NAA11: variants seen among roughly 807,000 people sequenced by gnomAD.
The protein encoded by NAA11 is N-alpha-acetyltransferase 11, NatA catalytic subunit, also known as N-alpha-acetyltransferase 11.
In NAA11, 15 loss-of-function variants were observed where a neutral mutation model predicts 16.1. That is an observed-to-expected ratio of 0.93 (90% CI 0.62 to 1.44). The LOEUF is 1.44. Ranked by LOEUF, NAA11 falls within the 40% of genes most tolerant of loss-of-function variation. The pLI is 0.00. For synonymous variants in NAA11, 122 were observed against 112.4 expected (o/e 1.09, Z -0.54); for missense variants, 298 against 291.3 (o/e 1.02, Z -0.17).
chr4:79,285,918 C>T (rs1026352380), intron 2 of NAA11, among the ~76,000 whole-genome samples: 9 of 151,998 alleles, frequency 5.9e-5, no homozygotes, highest in Middle Eastern at 3.2e-3. Flanking sequence ...TTTCTCCCAA[C>T]AGTGTATTAT....
At chr4:79,304,052 T>A (rs1454797375) in intron 1 of NAA11, among the ~76,000 whole-genome samples, 1 of 152,204 alleles carries the variant, frequency 6.6e-6, no homozygotes, top group Admixed American at 6.5e-5. Flanking sequence ...TCGACCATCA[T>A]GTGTTTTTCT....
At chr4:79,183,898 A>T in the NAA11 span, among the ~76,000 whole-genome samples, 1 of 152,220 alleles carries the variant, frequency 6.6e-6, no homozygotes, top group African/African-American at 2.4e-5. Context: ...ACCAAAAATA[A>T]GTTTAAATGA....
intron 1 of NAA11, among the ~76,000 whole-genome samples, chr4:79,307,479 TG>T (rs1347342396): frequency 6.6e-6 from 1 of 152,186 alleles, no homozygotes; most frequent in Non-Finnish European, 1.5e-5. Context: ...GAGCCTTATA[TG>T]TTCTTTACAT....
chr4:79,224,263 T>C (rs1038503744), downstream of NAA11, among the ~76,000 whole-genome samples: 4 of 152,114 alleles, frequency 2.6e-5, no homozygotes, highest in Non-Finnish European at 4.4e-5. Context: ...CTATTGCTAG[T>C]GTCACTGGGG....
chr4:79,260,596 T>A (rs1722227732), intron 2 of NAA11, among the ~76,000 whole-genome samples: 1 of 152,198 alleles, frequency 6.6e-6, no homozygotes, highest in Admixed American at 6.5e-5. Context: ...GCCAGCTGAT[T>A]TCCATCTCTG....
At chr4:79,167,150 ATATATG>A in the NAA11 span, among the ~76,000 whole-genome samples, 126 of 70,478 alleles carry the variant, frequency 1.8e-3, 39 homozygotes, top group East Asian at 4.2e-3. Flanking sequence ...ATATATATAT[ATATATG>A]TATATGGAGA....
chr4:79,285,784 T>C (rs1050799514), intron 2 of NAA11, among the ~76,000 whole-genome samples: 1 of 152,072 alleles, frequency 6.6e-6, no homozygotes, highest in South Asian at 2.1e-4. Flanking sequence ...TTCTGTCTCA[T>C]GACTATAGCA....
the NAA11 span, among the ~76,000 whole-genome samples, chr4:79,166,153 T>C: frequency 6.6e-6 from 1 of 152,154 alleles, no homozygotes; most frequent in African/African-American, 2.4e-5. Flanking sequence ...GAGACATAGT[T>C]GGGCCTCAGG....
At chr4:79,165,824 T>A in the NAA11 span, among the ~76,000 whole-genome samples, 7 of 152,214 alleles carry the variant, frequency 4.6e-5, no homozygotes, top group Non-Finnish European at 2.9e-5. Context: ...TTAAATTTAT[T>A]CCTAATAGTG....
chr4:79,225,102 C>G (rs1275190347), downstream of NAA11, among the ~76,000 whole-genome samples: 1 of 151,856 alleles, frequency 6.6e-6, no homozygotes, highest in African/African-American at 2.4e-5. Context: ...TAAACTTTAG[C>G]TAATATTATA....
rs1394268398 is a variant in NAA11, at chr4:79,326,060, C to CT, written c.-184dup. ...AGGAGATGGAAAAGATGGTGCCAAA[C>CT]TGCGGCTTTCAGAAGTGCGTCACTG... On this transcript the variant is annotated 5_prime_UTR_variant, in exon 1 of 2. Coordinates refer to ENST00000286794, the MANE Select transcript of NAA11 (RefSeq NM_032693.3). 1.7e-6 allele frequency: 1 copy of CT among 604,272 alleles called. No homozygotes were observed. The highest frequency in any genetic ancestry group is 1.9e-5 in the African/African-American group (1 of 53,802). The allele number at this position is 604,272 out of a possible 1,614,324, so 37.4% of individuals were successfully genotyped here.
intron 2 of NAA11, among the ~76,000 whole-genome samples, chr4:79,245,974 T>TA (rs540977135): frequency 0.01 from 1,574 of 152,324 alleles, 26 homozygotes; most frequent in African/African-American, 0.036. Flanking sequence ...ATCAGATTGT[T>TA]ACTGTGTCTG....
chr4:79,157,633 C>T, the NAA11 span, among the ~76,000 whole-genome samples: 43 of 149,740 alleles, frequency 2.9e-4, no homozygotes, highest in Non-Finnish European at 5.5e-4. Flanking sequence ...GTATATATAC[C>T]AAAGCCCTCA....
At chr4:79,187,998 CAAAAAAAAA>C in the NAA11 span, among the ~76,000 whole-genome samples, 8 of 74,216 alleles carry the variant, frequency 1.1e-4, no homozygotes, top group South Asian at 6.4e-4. Context: ...GACTCCGTCT[CAAAAAAAAA>C]AAAAAAAAAA....
At position 79,325,888 on chromosome 4, in the gene NAA11, G is replaced by C. The variant is rs373541851; in HGVS notation, c.-11C>G. On this transcript the variant is annotated 5_prime_UTR_variant, in exon 1 of 2. Coordinates refer to ENST00000286794, the MANE Select transcript of NAA11 (RefSeq NM_032693.3). ...GTTGCGGATGTTCATAATGGCAGAGGGTAGGGAACCGGTTGGACTGCAGTG... is the reference window on the plus strand; with the variant it reads ...GTTGCGGATGTTCATAATGGCAGAGCGTAGGGAACCGGTTGGACTGCAGTG... The C allele has an allele frequency of 6.3e-7, 1 of 1,597,380 alleles. No individual in the cohort carries two copies. Among genetic ancestry groups the C allele is most frequent in the Non-Finnish European group, 8.5e-7 (1 of 1,170,760 alleles).
chr4:79,325,081 G>T, intron 1 of NAA11, 95 bp downstream of exon 1: 2 of 1,157,670 alleles, frequency 1.7e-6, no homozygotes, highest in Non-Finnish European at 2.4e-6. Flanking sequence ...ATCTCGCAGG[G>T]CCAGAATGGG....
the NAA11 span, among the ~76,000 whole-genome samples, chr4:79,202,142 T>A: frequency 1.3e-5 from 2 of 151,612 alleles, no homozygotes; most frequent in Non-Finnish European, 3.0e-5. Context: ...GAGATCAACC[T>A]TTTTAGATTC....
At chr4:79,232,912 TCTA>T (rs1721497580) in intron 2 of NAA11, among the ~76,000 whole-genome samples, 1 of 152,038 alleles carries the variant, frequency 6.6e-6, no homozygotes, top group Admixed American at 6.6e-5. Context: ...AGATACTAGT[TCTA>T]CTGCTAACTT....
intron 1 of NAA11, among the ~76,000 whole-genome samples, chr4:79,309,694 T>G (rs944638240): frequency 6.7e-6 from 1 of 150,326 alleles, no homozygotes; most frequent in African/African-American, 2.4e-5. Context: ...ATTCTTATTC[T>G]ATTGGTGTTT....
Sources: gnomAD v4.1 joint callset for allele counts (sites outside exome capture counted in the v4.1 genomes callset) on GRCh38, gnomAD v4.1.1 for gene constraint, MANE v1.5 for transcripts, NCBI Gene and HGNC (gene_info 2026-07-23, HGNC 2026-07-21) for gene names.